The following RBFOX1 variants were observed in gnomAD, a reference collection of about 807,000 sequenced individuals.
The protein encoded by RBFOX1 is RNA binding fox-1 homolog 1.
Under a neutral mutation model 57.7 loss-of-function variants are expected in RBFOX1, and 8 were observed. The ratio of observed to expected loss-of-function variants is 0.14; its 90% CI spans 0.08 to 0.25. The LOEUF (loss-of-function observed/expected upper bound fraction) is 0.25, where lower values mean the gene tolerates loss of function less well. Among genes scored for constraint, RBFOX1 ranks in the 10% least tolerant of loss-of-function variants. The probability of loss-of-function intolerance (pLI) is 1.00; values close to 1 mark genes in which losing one functional copy is unlikely to be tolerated. For synonymous variants in RBFOX1, 326 were observed against 222.4 expected (o/e 1.47, Z -4.15); for missense variants, 611 against 548.5 (o/e 1.11, Z -1.14).
intron 2 of RBFOX1, among the ~76,000 whole-genome samples, chr16:5,592,525 T>A (rs1156342856): frequency 2.0e-5 from 3 of 152,058 alleles, no homozygotes; most frequent in Non-Finnish European, 2.9e-5. Flanking sequence ...CAAGCGATTC[T>A]CCTGCCTCAG....
At chr16:7,114,953 C>T (rs2065569526) in intron 4 of RBFOX1, among the ~76,000 whole-genome samples, 1 of 152,136 alleles carries the variant, frequency 6.6e-6, no homozygotes, top group Non-Finnish European at 1.5e-5. Flanking sequence ...GAAGCCTCTG[C>T]TTTTAGGAAC....
At chr16:7,077,163 C>G (rs900719664) in intron 4 of RBFOX1, among the ~76,000 whole-genome samples, 4 of 152,188 alleles carry the variant, frequency 2.6e-5, no homozygotes, top group Non-Finnish European at 4.4e-5. Context: ...AATTATTCCT[C>G]TGAATAAGCG....
At chr16:5,609,788 C>T (rs188202331) in intron 3 of RBFOX1, among the ~76,000 whole-genome samples, 180 of 149,172 alleles carry the variant, frequency 1.2e-3, no homozygotes, top group African/African-American at 4.0e-3. Context: ...TATTTTTTAT[C>T]GGCCACCTAC....
intron 3 of RBFOX1, among the ~76,000 whole-genome samples, chr16:7,042,882 C>T (rs1047314049): frequency 9.9e-5 from 15 of 152,088 alleles, no homozygotes; most frequent in Admixed American, 6.5e-4. Context: ...GCTGAGATTG[C>T]GCCACTGCAC....
At chr16:5,300,408 T>A (rs2063774973) in intron 1 of RBFOX1, among the ~76,000 whole-genome samples, 1 of 152,084 alleles carries the variant, frequency 6.6e-6, no homozygotes, top group African/African-American at 2.4e-5. Flanking sequence ...ATGGGTACAG[T>A]GTACACTGCT....
chr16:6,993,543 C>G (rs1386430632), intron 3 of RBFOX1, among the ~76,000 whole-genome samples: 2 of 152,086 alleles, frequency 1.3e-5, no homozygotes, highest in Admixed American at 6.5e-5. Flanking sequence ...GTCCTTTCCC[C>G]TTTGTAATTT....
intron 3 of RBFOX1, among the ~76,000 whole-genome samples, chr16:6,727,891 C>T (rs1192220691): frequency 1.3e-5 from 2 of 152,124 alleles, no homozygotes; most frequent in African/African-American, 2.4e-5. Context: ...TTACCTGATT[C>T]CATTTTGAAA....
intron 4 of RBFOX1, among the ~76,000 whole-genome samples, chr16:7,375,498 G>GT (rs1303255513): frequency 7.4e-5 from 11 of 148,850 alleles, no homozygotes; most frequent in Non-Finnish European, 1.2e-4. Context: ...GAGAGGTTTT[G>GT]TTTTTTTGTT....
At chr16:6,307,806 G>T (rs1465270541) in intron 1 of RBFOX1, among the ~76,000 whole-genome samples, 1 of 145,760 alleles carries the variant, frequency 6.9e-6, no homozygotes, top group Non-Finnish European at 1.5e-5. Context: ...TTACATATTT[G>T]TATCAGTGAT....
chr16:7,054,792 G>A (rs2051540373), intron 4 of RBFOX1, among the ~76,000 whole-genome samples: 1 of 152,200 alleles, frequency 6.6e-6, no homozygotes, highest in South Asian at 2.1e-4. Context: ...TGACTGGACT[G>A]TGGCCGTGTT....
At chr16:7,028,285 C>G (rs1260722474) in intron 3 of RBFOX1, among the ~76,000 whole-genome samples, 2 of 152,112 alleles carry the variant, frequency 1.3e-5, no homozygotes, top group African/African-American at 4.8e-5. Flanking sequence ...AATTGGCACA[C>G]AGTTCATGCT....
intron 4 of RBFOX1, among the ~76,000 whole-genome samples, chr16:7,313,035 A>T (rs2096354286): frequency 6.6e-6 from 1 of 152,128 alleles, no homozygotes; most frequent in South Asian, 2.1e-4. Flanking sequence ...TAGGAGAGGC[A>T]GCGTGTTCCC....
intron 3 of RBFOX1, among the ~76,000 whole-genome samples, chr16:6,870,223 G>T (rs187579451): frequency 6.6e-6 from 1 of 152,258 alleles, no homozygotes; most frequent in African/African-American, 2.4e-5. Flanking sequence ...GCAGAGCCAA[G>T]AGAGTTAGCA....
chr16:7,256,628 A>G (rs774503841), intron 4 of RBFOX1, among the ~76,000 whole-genome samples: 2 of 152,178 alleles, frequency 1.3e-5, no homozygotes, highest in East Asian at 1.9e-4. Flanking sequence ...AACCAAAGTC[A>G]TATCTAAAAT....
At chr16:6,534,500 G>T (rs948341656) in intron 2 of RBFOX1, among the ~76,000 whole-genome samples, 1 of 152,116 alleles carries the variant, frequency 6.6e-6, no homozygotes, top group Admixed American at 6.6e-5. Flanking sequence ...ATGGAGATGT[G>T]TGAATCATGC....
At chr16:7,513,573 G>C (rs2075689673) in intron 4 of RBFOX1, among the ~76,000 whole-genome samples, 1 of 152,158 alleles carries the variant, frequency 6.6e-6, no homozygotes, top group African/African-American at 2.4e-5. Flanking sequence ...ATGTTTAGCA[G>C]CATTCCTGGC....
At chr16:6,529,711 G>C (rs2096630074) in intron 2 of RBFOX1, among the ~76,000 whole-genome samples, 1 of 152,042 alleles carries the variant, frequency 6.6e-6, no homozygotes, top group Admixed American at 6.6e-5. Context: ...CTAAATAATT[G>C]CATAGACTCC....
intron 4 of RBFOX1, among the ~76,000 whole-genome samples, chr16:7,324,055 G>C (rs577062542): frequency 6.6e-6 from 1 of 152,152 alleles, no homozygotes; most frequent in South Asian, 2.1e-4. Context: ...TTCTTTACAG[G>C]ACTTCTCAGG....
At chr16:6,360,817 A>G (rs2152867425) in intron 2 of RBFOX1, among the ~76,000 whole-genome samples, 1 of 152,274 alleles carries the variant, frequency 6.6e-6, no homozygotes, top group Non-Finnish European at 1.5e-5. Flanking sequence ...GCTTTTACAT[A>G]GTTATCATTG....
Sources: gnomAD v4.1 joint callset for allele counts (sites outside exome capture counted in the v4.1 genomes callset) on GRCh38, gnomAD v4.1.1 for gene constraint, MANE v1.5 for transcripts, NCBI Gene and HGNC (gene_info 2026-07-23, HGNC 2026-07-21) for gene names.